The following PRKCE variants were observed in gnomAD, a reference collection of about 807,000 sequenced individuals.
PRKCE encodes protein kinase C epsilon, also known as protein kinase C epsilon type.
Under a neutral mutation model 85.4 loss-of-function variants are expected in PRKCE, and 16 were observed. That is an observed-to-expected ratio of 0.19 (90% CI 0.13 to 0.28). The LOEUF is 0.28. Among genes scored for constraint, PRKCE ranks in the 10% least tolerant of loss-of-function variants. The probability of loss-of-function intolerance (pLI) is 1.00; values close to 1 mark genes in which losing one functional copy is unlikely to be tolerated. For synonymous variants in PRKCE, 388 were observed against 371.5 expected (o/e 1.04, Z -0.51); for missense variants, 573 against 975.2 (o/e 0.59, Z 5.49).
chr2:45,981,467 C>G (rs535764270), intron 5 of PRKCE, among the ~76,000 whole-genome samples: 8 of 152,214 alleles, frequency 5.3e-5, no homozygotes, highest in Non-Finnish European at 1.2e-4. Flanking sequence ...TTCCCATCTT[C>G]TCTCTCCTTC....
chr2:46,025,647 C>T (rs1023701227), intron 10 of PRKCE, among the ~76,000 whole-genome samples: 3 of 152,220 alleles, frequency 2.0e-5, no homozygotes, highest in Non-Finnish European at 2.9e-5. Flanking sequence ...CCCTCTGTCA[C>T]TCTCTCGCTG....
intron 10 of PRKCE, among the ~76,000 whole-genome samples, chr2:46,056,507 C>G (rs919681669): frequency 6.6e-6 from 1 of 152,164 alleles, no homozygotes; most frequent in African/African-American, 2.4e-5. Flanking sequence ...TCCCCAAATC[C>G]TTTCATCTTT....
intron 2 of PRKCE, among the ~76,000 whole-genome samples, chr2:45,874,117 C>G (rs1694294779): frequency 6.6e-6 from 1 of 152,222 alleles, no homozygotes; most frequent in African/African-American, 2.4e-5. Context: ...ATTGTCAACA[C>G]AAGTTCTATG....
At chr2:45,852,664 G>C (rs995452284) in intron 2 of PRKCE, among the ~76,000 whole-genome samples, 4 of 152,170 alleles carry the variant, frequency 2.6e-5, no homozygotes, top group Non-Finnish European at 5.9e-5. Flanking sequence ...ATAGTTCTGA[G>C]TCAAAACCAA....
intron 2 of PRKCE, among the ~76,000 whole-genome samples, chr2:45,862,904 G>T (rs1261598624): frequency 6.6e-6 from 1 of 152,242 alleles, no homozygotes; most frequent in African/African-American, 2.4e-5. Flanking sequence ...TAGGGACCCT[G>T]TGCCCCAGAT....
At chr2:45,798,742 T>C (rs1047721531) in intron 1 of PRKCE, among the ~76,000 whole-genome samples, 1 of 151,000 alleles carries the variant, frequency 6.6e-6, no homozygotes, top group Admixed American at 6.6e-5. Context: ...TCAAAGTGTA[T>C]ATGGGCCATG....
Position 45,984,553 on chromosome 2 carries a change from G to T in PRKCE, c.696G>T (p.Val232=). 6.3e-7 allele frequency: 1 copy of T among 1,599,552 alleles called. No individual in the cohort carries two copies. Among genetic ancestry groups the T allele is most frequent in the Non-Finnish European group, 8.5e-7 (1 of 1,179,836 alleles). Reference sequence around the variant, plus strand: ...CCTGTATCTTGCCATCCCTGCAGGTGGGCTCCCAGCGGTTCAGCGTCAACA... The same window carrying T: ...CCTGTATCTTGCCATCCCTGCAGGTTGGCTCCCAGCGGTTCAGCGTCAACA... The part of the protein sequence containing the change: ...GLKKQETPDQ[V]GSQRFSVNMP... Residue 232 remains valine (V), a splice_region_variant and synonymous_variant, in exon 6 of 15, where the codon GTG becomes GTT. Coordinates refer to ENST00000306156, the MANE Select transcript of PRKCE (RefSeq NM_005400.3).
chr2:45,894,674 CT>C, intron 2 of PRKCE, among the ~76,000 whole-genome samples: 1 of 152,060 alleles, frequency 6.6e-6, no homozygotes. Context: ...CAGTAGTTCC[CT>C]TCCACTTCCT....
chr2:46,175,545 AT>A (rs755543781), intron 14 of PRKCE, among the ~76,000 whole-genome samples: 2 of 152,232 alleles, frequency 1.3e-5, no homozygotes, highest in African/African-American at 2.4e-5. Context: ...CATTTTATGG[AT>A]GAGAAAATGG....
Position 46,145,249 on chromosome 2 carries a change from A to G in PRKCE, c.1731+18A>G. 1 of 1,599,414 alleles carries G rather than the reference A, an allele frequency of 6.3e-7. No individual in the cohort carries two copies. Among genetic ancestry groups the G allele is most frequent in the South Asian group, 1.1e-5 (1 of 91,050 alleles). ...CTCCTGAGGTAAGACCTGTGTGCAA[A>G]GGTTCACCTCCTCCTGGTGCCAGGA... On this transcript the variant is annotated intron_variant, in intron 12 of 14. Transcript: ENST00000306156. This position sits in a 1 kb window ranked among gnomAD's most constrained non-coding sequence, Gnocchi z 4.6.
intron 14 of PRKCE, among the ~76,000 whole-genome samples, chr2:46,168,522 G>T (rs1188126327): frequency 6.6e-6 from 1 of 152,210 alleles, no homozygotes; most frequent in Non-Finnish European, 1.5e-5. Context: ...ACAAGTGTTT[G>T]TTGAACATGT....
At chr2:46,105,810 A>G (rs527736004) in intron 11 of PRKCE, among the ~76,000 whole-genome samples, 1 of 152,348 alleles carries the variant, frequency 6.6e-6, no homozygotes, top group Admixed American at 6.5e-5. Flanking sequence ...CAAAATTATT[A>G]TACTAATACA....
chr2:45,979,117 A>G lies in PRKCE; in HGVS notation c.607+107A>G. 4 of 1,027,284 alleles carry G rather than the reference A, an allele frequency of 3.9e-6. No individual in the cohort carries two copies. The South Asian group carries it at 4.1e-5, about 11-fold the overall frequency. The allele number at this position is 1,027,284 out of a possible 1,614,324, so 63.6% of individuals were successfully genotyped here. A position where few individuals can be genotyped will look rare whatever the true frequency, so the allele number is the denominator to read the frequency against. On this transcript the variant is annotated intron_variant, in intron 4 of 14. Coordinates refer to ENST00000306156, the MANE Select transcript of PRKCE (RefSeq NM_005400.3). ...GTCTGATGACATTTGGAGGCTCTCC[A>G]CAGCTTGCATGCTTTCTTTGTTCCC...
At chr2:46,084,147 G>T (rs909063120) in intron 10 of PRKCE, among the ~76,000 whole-genome samples, 1 of 152,174 alleles carries the variant, frequency 6.6e-6, no homozygotes, top group Non-Finnish European at 1.5e-5. Flanking sequence ...GAGAAAACGA[G>T]GTAGGCTTTG....
intron 1 of PRKCE, among the ~76,000 whole-genome samples, chr2:45,714,787 C>T (rs1189648846): frequency 6.6e-6 from 1 of 152,200 alleles, no homozygotes; most frequent in African/African-American, 2.4e-5. Flanking sequence ...CCAGCCTGTC[C>T]TGAAATCTCC....
At chr2:45,754,170 G>T (rs2104769768) in intron 1 of PRKCE, among the ~76,000 whole-genome samples, 1 of 152,318 alleles carries the variant, frequency 6.6e-6, no homozygotes, top group East Asian at 1.9e-4. Context: ...GGGAAAGCAG[G>T]TTTGAGGTAG....
chr2:46,045,750 A>G (rs1210572140), intron 10 of PRKCE, among the ~76,000 whole-genome samples: 1 of 152,096 alleles, frequency 6.6e-6, no homozygotes, highest in Non-Finnish European at 1.5e-5. Context: ...ATGGTGGCAC[A>G]TGCCTGTAAT....
At chr2:45,719,858 G>A (rs1399834498) in intron 1 of PRKCE, among the ~76,000 whole-genome samples, 3 of 152,106 alleles carry the variant, frequency 2.0e-5, no homozygotes, top group Non-Finnish European at 4.4e-5. Flanking sequence ...CCAGGAGTTC[G>A]AAGTTACAGT....
At chr2:45,995,224 A>G (rs1369926223) in intron 6 of PRKCE, among the ~76,000 whole-genome samples, 2 of 151,938 alleles carry the variant, frequency 1.3e-5, no homozygotes, top group Non-Finnish European at 2.9e-5. Context: ...ACTTTCTCCC[A>G]GTCTGTTACT....
Sources: gnomAD v4.1 joint callset for allele counts (sites outside exome capture counted in the v4.1 genomes callset) on GRCh38, gnomAD v4.1.1 for gene constraint, Gnocchi (gnomAD v3.1) non-coding constraint, MANE v1.5 for transcripts, NCBI Gene and HGNC (gene_info 2026-07-23, HGNC 2026-07-21) for gene names.